Variants in PARP8 observed in about 807,000 individuals in gnomAD.
The protein encoded by PARP8 is protein mono-ADP-ribosyltransferase PARP8.
Under a neutral mutation model 124.1 loss-of-function variants are expected in PARP8, and 51 were observed. The observed-to-expected ratio is 0.41, with a 90% CI of 0.33 to 0.52. The LOEUF (loss-of-function observed/expected upper bound fraction) is 0.52. Among genes scored for constraint, PARP8 ranks in the 20% least tolerant of loss-of-function variants. PARP8 has a pLI of 0.21. For synonymous variants in PARP8, 391 were observed against 361.5 expected, an observed-to-expected ratio of 1.08 and a Z score of -0.93; for missense variants, 860 against 1,018.9, an observed-to-expected ratio of 0.84 and a Z score of 2.12.
intron 10 of PARP8, among the ~76,000 whole-genome samples, chr5:50,793,859 C>T (rs1339478342): frequency 6.6e-6 from 1 of 152,050 alleles, no homozygotes; most frequent in East Asian, 1.9e-4. Context: ...TTTTTTGCCA[C>T]TTCAGCTCAA....
In PARP8 at chr5:50,844,098, C is replaced by T. The variant is rs2032235623; in HGVS notation, c.*2030C>T. 6.6e-6 allele frequency: 1 copy of T among 151,762 alleles called. No individual in the cohort carries two copies. Among genetic ancestry groups the T allele is most frequent in the Admixed American group, 6.6e-5 (1 of 15,184 alleles). The allele number at this position is 151,762 out of a possible 1,614,324, so 9.4% of individuals were successfully genotyped here. A position where few individuals can be genotyped will look rare whatever the true frequency, so the allele number is the denominator to read the frequency against. On this transcript the variant is annotated 3_prime_UTR_variant, in exon 26 of 26. Coordinates refer to ENST00000281631, the MANE Select transcript of PARP8 (RefSeq NM_024615.4). ...TGAACTGGAACGGTAACTCGTAAGA[C>T]TCAAGAAAGACCGTTTAAGGAAAAT...
chr5:50,771,488 C>G (rs1223944353), intron 7 of PARP8, among the ~76,000 whole-genome samples: 1 of 151,918 alleles, frequency 6.6e-6, no homozygotes, highest in Non-Finnish European at 1.5e-5. Flanking sequence ...AAGGAGAGGA[C>G]AGAGAAAGCA....
chr5:50,720,110 A>T (rs781723099), intron 2 of PARP8, among the ~76,000 whole-genome samples: 24 of 152,184 alleles, frequency 1.6e-4, no homozygotes, highest in Admixed American at 1.2e-3. Context: ...TGTTTAGGAA[A>T]TCTTCCTTTA....
intron 9 of PARP8, among the ~76,000 whole-genome samples, chr5:50,780,799 G>C (rs1740581958): frequency 6.6e-6 from 1 of 152,148 alleles, no homozygotes; most frequent in Admixed American, 6.5e-5. Context: ...GCAAGGTCAT[G>C]ATAGTTTTCC....
At chr5:50,761,979 G>A (rs1413590494) in intron 6 of PARP8, 81 bp downstream of exon 6, 2 of 813,366 alleles carry the variant, frequency 2.5e-6, no homozygotes, top group Non-Finnish European at 2.0e-6. Flanking sequence ...GTGCCTGAGA[G>A]TTAAGGGACC....
intron 18 of PARP8, among the ~76,000 whole-genome samples, chr5:50,826,081 A>G (rs1274009664): frequency 6.6e-6 from 1 of 152,026 alleles, no homozygotes; most frequent in Non-Finnish European, 1.5e-5. Context: ...GCATATATCT[A>G]GTTGCTTTCT....
At chr5:50,683,798 TA>T (rs533514292) in intron 2 of PARP8, among the ~76,000 whole-genome samples, 266 of 152,322 alleles carry the variant, frequency 1.7e-3, no homozygotes, top group Non-Finnish European at 2.9e-3. Flanking sequence ...CCTTCTCCGT[TA>T]AAATATGTTT....
chr5:50,701,958 G>A lies in PARP8; in HGVS notation c.146+33833G>A, dbSNP rs1223077471. Among the ~76,000 whole-genome samples, 3 of 152,042 alleles carry A rather than the reference G, an allele frequency of 2.0e-5. No homozygotes were observed. The East Asian group carries it at 5.8e-4, about 29-fold the overall frequency. On this transcript the variant is annotated intron_variant, in intron 2 of 25. Transcript: ENST00000281631. ...CTCACAAAAATAATGGCCGTAATTG[G>A]GGAGTTATAATCATTTTAGCTTGGA...
chr5:50,822,821 C>T (rs1445161870), intron 17 of PARP8, among the ~76,000 whole-genome samples: 5 of 152,128 alleles, frequency 3.3e-5, no homozygotes, highest in African/African-American at 7.2e-5. Flanking sequence ...AATCCCAAAA[C>T]CACTTTGGAA....
chr5:50,779,192 T>TACAC (rs557537450), intron 9 of PARP8, among the ~76,000 whole-genome samples: 2 of 150,504 alleles, frequency 1.3e-5, no homozygotes, highest in African/African-American at 4.9e-5. Flanking sequence ...TACACACACA[T>TACAC]ACACACACAC....
chr5:50,683,632 A>ATT (rs34331466), intron 2 of PARP8, among the ~76,000 whole-genome samples: 111,774 of 151,950 alleles, frequency 0.74, 42,822 homozygotes, highest in East Asian at 0.95. Context: ...GTGTGTAGTT[A>ATT]TTTTTCCTTT....
chr5:50,732,540 C>T (rs1251566341), intron 2 of PARP8, among the ~76,000 whole-genome samples: 1 of 152,152 alleles, frequency 6.6e-6, no homozygotes, highest in African/African-American at 2.4e-5. Flanking sequence ...GCTTTGAGAA[C>T]ATAGTAGTAA....
At chr5:50,840,951 A>C (rs553701592) in intron 25 of PARP8, among the ~76,000 whole-genome samples, 2 of 152,042 alleles carry the variant, frequency 1.3e-5, no homozygotes, top group East Asian at 3.9e-4. Context: ...TGGGTCATTT[A>C]GTTAAGAATT....
chr5:50,669,702 G>A (rs529479289), intron 2 of PARP8, among the ~76,000 whole-genome samples: 2 of 152,284 alleles, frequency 1.3e-5, no homozygotes, highest in African/African-American at 2.4e-5. Context: ...CAGGTGTTGG[G>A]ATGAATAATT....
intron 2 of PARP8, chr5:50,742,030 G>A (rs541127475): frequency 1.1e-4 from 31 of 275,396 alleles, no homozygotes; most frequent in African/African-American, 5.8e-4. Context: ...GGCTGGTCTC[G>A]AACTCTTGAA....
At chr5:50,778,539 C>A in intron 8 of PARP8, 21 bp from the exon 9 acceptor site, 1 of 1,546,602 alleles carries the variant, frequency 6.5e-7, no homozygotes, top group Non-Finnish European at 8.8e-7. Flanking sequence ...ATTAATTCAT[C>A]TTTTAAATAT....
intron 23 of PARP8, among the ~76,000 whole-genome samples, chr5:50,833,115 A>G (rs1747169256): frequency 6.6e-6 from 1 of 152,188 alleles, no homozygotes; most frequent in Admixed American, 6.6e-5. Context: ...AAGTAGACAC[A>G]TATTCCGTCT....
chr5:50,757,690 A>G (rs1760114962), intron 3 of PARP8, among the ~76,000 whole-genome samples: 1 of 152,170 alleles, frequency 6.6e-6, no homozygotes, highest in Non-Finnish European at 1.5e-5. Context: ...CTTGAATCAA[A>G]TCTCACTGTC....
chr5:50,707,954 C>A (rs1279256740), intron 2 of PARP8, among the ~76,000 whole-genome samples: 1 of 152,036 alleles, frequency 6.6e-6, no homozygotes, highest in Non-Finnish European at 1.5e-5. Flanking sequence ...CGCACCATAG[C>A]CACTTCAGAA....
Sources: allele counts gnomAD v4.1 joint callset (sites outside exome capture counted in the v4.1 genomes callset), GRCh38; gene constraint gnomAD v4.1.1; transcripts MANE v1.5; gene names NCBI Gene and HGNC (gene_info 2026-07-23, HGNC 2026-07-21).